Variants in MAPK3 observed in about 807,000 individuals in gnomAD.
The protein encoded by MAPK3 is MAPK 1.
MAPK3 carries 30 observed loss-of-function variants against 41.8 expected under a neutral mutation model. The observed-to-expected ratio is 0.72, with a 90% CI of 0.54 to 0.97. The LOEUF is 0.97. MAPK3 is among the 50% of genes least tolerant of loss of function. The probability of loss-of-function intolerance (pLI) is 0.00; values close to 1 mark genes in which losing one functional copy is unlikely to be tolerated. For synonymous variants in MAPK3, 222 were observed against 213.4 expected, an observed-to-expected ratio of 1.04 and a Z score of -0.35; for missense variants, 413 against 509.9, an observed-to-expected ratio of 0.81 and a Z score of 1.83.
At chr16:30,116,596 A>T (rs1453143086) in intron 8 of MAPK3, 40 bp downstream of exon 8, 1 of 1,570,998 alleles carries the variant, frequency 6.4e-7, no homozygotes, top group Non-Finnish European at 8.7e-7. Flanking sequence ...ATAGATATTT[A>T]GTATCAGGGT....
chr16:30,118,185 A>G, intron 3 of MAPK3, 22 bp from the exon 4 acceptor site: 1 of 1,604,252 alleles, frequency 6.2e-7, no homozygotes, highest in African/African-American at 1.3e-5. Context: ...CCTAGCTGCT[A>G]AGCTCGGCGC....
intron 1 of MAPK3, chr16:30,122,521 C>G (rs968601750): frequency 1.7e-5 from 3 of 181,134 alleles, no homozygotes; most frequent in Non-Finnish European, 2.4e-5. Flanking sequence ...CAGACCCCTC[C>G]CAAAACATGC....
In MAPK3 at chr16:30,123,192, A is replaced by G. The variant is rs1415742359; in HGVS notation, c.18T>C (p.Ala6=). The G allele has an allele frequency of 1.0e-6, 1 of 980,786 alleles. No homozygotes were observed. The highest frequency in any genetic ancestry group is 1.3e-6 in the Non-Finnish European group (1 of 744,276). The allele number at this position is 980,786 out of a possible 1,614,324, so 60.8% of individuals were successfully genotyped here. A position where few individuals can be genotyped will look rare whatever the true frequency, so the allele number is the denominator to read the frequency against. The change falls in exon 1 of 9, where the codon GCT becomes GCC. Residue 6 remains alanine, a synonymous_variant. Transcript: ENST00000263025. MAAAA[A]QGGGGGEPRR... ...GGGGCTCCCCGCCCCCGCCCCCCTG[A>G]GCCGCCGCCGCCGCCATCTCCACTC...
chr16:30,122,293 C>T, intron 1 of MAPK3: 1 of 482,206 alleles, frequency 2.1e-6, no homozygotes, highest in Non-Finnish European at 3.8e-6. Context: ...CTGAACCCTT[C>T]GCCCCCATTC....
intron 8 of MAPK3, among the ~76,000 whole-genome samples, chr16:30,115,179 A>G (rs1253994766): frequency 1.3e-5 from 2 of 152,104 alleles, no homozygotes; most frequent in African/African-American, 4.8e-5. Flanking sequence ...TGATTGCACC[A>G]CTGCATTCCA....
chr16:30,115,206 G>A (rs926150289), intron 8 of MAPK3, among the ~76,000 whole-genome samples: 3 of 151,928 alleles, frequency 2.0e-5, no homozygotes, highest in Non-Finnish European at 2.9e-5. Flanking sequence ...GTGACAGAGC[G>A]AGACACTGTC....
intron 2 of MAPK3, among the ~76,000 whole-genome samples, chr16:30,120,875 G>A (rs188338975): frequency 1.3e-5 from 2 of 151,416 alleles, no homozygotes; most frequent in East Asian, 1.9e-4. Flanking sequence ...GTAGAGGTGG[G>A]GTCTCACTAT....
At chr16:30,122,283 C>G (rs964855409) in intron 1 of MAPK3, 5 of 506,916 alleles carry the variant, frequency 9.9e-6, no homozygotes, top group African/African-American at 1.9e-5. Context: ...TCTACTGGCC[C>G]TGAACCCTTC....
At chr16:30,116,842 T>C in intron 7 of MAPK3, 52 bp from the exon 8 acceptor site, 1 of 1,613,336 alleles carries the variant, frequency 6.2e-7, no homozygotes, top group Non-Finnish European at 8.5e-7. Flanking sequence ...GATGCCTACG[T>C]GCCCCCCTGC....
intron 7 of MAPK3, 50 bp downstream of exon 7, chr16:30,116,843 GC>G (rs1389475281): frequency 6.2e-7 from 1 of 1,613,220 alleles, no homozygotes. Flanking sequence ...ATGCCTACGT[GC>G]CCCCCTGCTC....
chr16:30,115,092 T>A (rs1029589171), intron 8 of MAPK3, among the ~76,000 whole-genome samples: 48 of 144,322 alleles, frequency 3.3e-4, no homozygotes, highest in Non-Finnish European at 3.9e-4. Context: ...AAAAAAAAAA[T>A]TAGCCGGTTG....
intron 2 of MAPK3, 100 bp downstream of exon 2, chr16:30,121,724 G>T (rs2073016673): frequency 1.6e-6 from 2 of 1,241,472 alleles, no homozygotes; most frequent in Non-Finnish European, 1.1e-6. Flanking sequence ...GGTTTGTTTT[G>T]GAGGGTGGTG....
At chr16:30,122,968 C>T (rs2073031902) in intron 1 of MAPK3, 72 bp downstream of exon 1, 36 of 1,281,340 alleles carry the variant, frequency 2.8e-5, no homozygotes, top group Non-Finnish European at 3.6e-5. Context: ...GGAAAGCGCT[C>T]GGCGCCTCCT....
chr16:30,121,633 C>T (rs1052423787), intron 2 of MAPK3, among the ~76,000 whole-genome samples, 191 bp downstream of exon 2: 1 of 152,210 alleles, frequency 6.6e-6, no homozygotes, highest in Non-Finnish European at 1.5e-5. Flanking sequence ...CTGCCTGGGC[C>T]GCTGCAGGCC....
In MAPK3 at chr16:30,121,978, G is replaced by C. The variant is rs567762331; in HGVS notation, c.199C>G (p.Arg67Gly). 6.2e-7 allele frequency: 1 copy of C among 1,614,146 alleles called. No individual in the cohort carries two copies. Among genetic ancestry groups the C allele is most frequent in the Non-Finnish European group, 8.5e-7 (1 of 1,180,044 alleles). The change falls in exon 2 of 9, where the codon CGC (arginine) becomes GGC (glycine). Residue 67 changes from arginine to glycine, a missense_variant. By Grantham distance (125) the Arg-to-Gly change is moderately radical. Transcript: ENST00000263025. The part of the protein sequence containing the change: ...SSAYDHVRKT[R>G]VAIKKISPFE... ...GGGCTGATCTTCTTGATGGCCACGC[G>C]AGTCTTGCGCACGTGGTCATAGGCC...
Position 30,116,630 on chromosome 16 carries a change from A to G in MAPK3, c.*32+6T>C, listed in dbSNP as rs904970297. On this transcript the variant is annotated splice_donor_region_variant and intron_variant, in intron 8 of 8. Transcript: ENST00000263025. ...GTGTCCATGTGTGGGCCATGGAGAC[A>G]CTCACCAGGCCCCAGGGTGCAGAGA... 1 of 1,609,618 alleles carries G rather than the reference A, an allele frequency of 6.2e-7. No individual in the cohort carries two copies. The highest frequency in any genetic ancestry group is 8.5e-7 in the Non-Finnish European group (1 of 1,178,950).
chr16:30,117,162 T>G lies in MAPK3; in HGVS notation c.899A>C (p.Asp300Ala), dbSNP rs11546680. The change falls in exon 6 of 9, where the codon GAC (aspartate) becomes GCC (alanine). Residue 300 changes from aspartate to alanine, a missense_variant. Physicochemically the swap from Asp to Ala is moderately radical, Grantham distance 126. This residue lies in a region of MAPK3 where 123 missense variants were observed against 147.8 expected (regional missense o/e 0.83). Transcript: ENST00000263025. ...VAWAKLFPKS[D>A]SKALDLLDRM... Reference sequence around the variant, plus strand: ...CCTCATGTCTCTCGAACCTTTGGAGTCTGACTTGGGGAAAAGCTTGGCCCA... The same window carrying G: ...CCTCATGTCTCTCGAACCTTTGGAGGCTGACTTGGGGAAAAGCTTGGCCCA... The G allele has an allele frequency of 6.2e-7, 1 of 1,613,844 alleles. No individual in the cohort carries two copies. The highest frequency in any genetic ancestry group is 8.5e-7 in the Non-Finnish European group (1 of 1,179,956).
chr16:30,115,334 T>G (rs1202006218), intron 8 of MAPK3, among the ~76,000 whole-genome samples: 4 of 152,196 alleles, frequency 2.6e-5, no homozygotes, highest in African/African-American at 9.7e-5. Context: ...CAGCTGGAGT[T>G]TGAGCCCAGG....
chr16:30,123,061 T>TA lies in MAPK3; in HGVS notation c.148_149insT (p.Glu50ValfsTer12). On this transcript the variant is annotated frameshift_variant, in exon 1 of 9. Coordinates refer to ENST00000263025, the MANE Select transcript of MAPK3 (RefSeq NM_002746.3). LOFTEE classifies it high-confidence loss of function. Reference sequence around the variant, plus strand: ...TCACCTGACCATGCCGTACGCGCCCTCGCCGATGTACTGCAACTGCGTGTA... The same window carrying TA: ...TCACCTGACCATGCCGTACGCGCCCTACGCCGATGTACTGCAACTGCGTGTA... 7.4e-7 allele frequency: 1 copy of TA among 1,344,506 alleles called. No individual in the cohort carries two copies. The highest frequency in any genetic ancestry group is 9.7e-7 in the Non-Finnish European group (1 of 1,031,308). The allele number at this position is 1,344,506 out of a possible 1,614,324, so 83.3% of individuals were successfully genotyped here. A position where few individuals can be genotyped will look rare whatever the true frequency, so the allele number is the denominator to read the frequency against.
Sources: allele counts gnomAD v4.1 joint callset (sites outside exome capture counted in the v4.1 genomes callset), GRCh38; gene constraint gnomAD v4.1.1; regional missense constraint gnomAD v4.1.1; transcripts MANE v1.5; gene names NCBI Gene and HGNC (gene_info 2026-07-23, HGNC 2026-07-21).